ANKRD36: variants seen among roughly 807,000 people sequenced by gnomAD.
The protein encoded by ANKRD36 is ankyrin repeat domain 36, also known as ankyrin repeat domain-containing protein 36A.
ANKRD36 carries 179 observed loss-of-function variants against 278.1 expected under a neutral mutation model. The observed-to-expected ratio is 0.64, with a 90% confidence interval of 0.57 to 0.73. ANKRD36 has a LOEUF of 0.73. Among genes scored for constraint, ANKRD36 ranks in the 30% least tolerant of loss-of-function variants. The probability of loss-of-function intolerance (pLI) is 0.00; values close to 1 mark genes in which losing one functional copy is unlikely to be tolerated. For missense variants in ANKRD36, 1,159 were observed against 1,956.7 expected (o/e 0.59, Z 7.69); for synonymous variants, 320 against 641.1 (o/e 0.50, Z 7.57).
chr2:97,154,826 A>G, intron 15 of ANKRD36, 85 bp downstream of exon 15: 4 of 1,137,394 alleles, frequency 3.5e-6, no homozygotes, highest in Non-Finnish European at 4.9e-6. Context: ...ATAGGTAGCA[A>G]TTGTCTACCT....
intron 66 of ANKRD36, among the ~76,000 whole-genome samples, chr2:97,219,538 A>G (rs2066846325): frequency 2.0e-5 from 3 of 150,254 alleles, no homozygotes; most frequent in African/African-American, 7.3e-5. Context: ...GTGGAGTGCA[A>G]TGGCTCAATT....
intron 10 of ANKRD36, among the ~76,000 whole-genome samples, chr2:97,145,449 A>C (rs1431254623): frequency 6.6e-6 from 1 of 152,060 alleles, no homozygotes; most frequent in Non-Finnish European, 1.5e-5. Context: ...ATATGCATAC[A>C]TTGGCTTTGT....
In ANKRD36 at chr2:97,113,395, C is replaced by G. The variant is rs528028494; in HGVS notation, c.-345C>G. 319 of 329,750 alleles carry G rather than the reference C, an allele frequency of 9.7e-4. 11 individuals carry two copies. In the South Asian group the frequency reaches 0.01, roughly 11 times the overall value. The allele number at this position is 329,750 out of a possible 1,614,324, so 20.4% of individuals were successfully genotyped here. A position where few individuals can be genotyped will look rare whatever the true frequency, so the allele number is the denominator to read the frequency against. ...GTCGGGAGCCTGTGGAAGAGAAGAG[C>G]GCGCGGGCGACAGTTAAACAGGCCC... On this transcript the variant is annotated 5_prime_UTR_variant, in exon 1 of 76. Coordinates refer to ENST00000420699, the MANE Select transcript of ANKRD36 (RefSeq NM_001354587.1).
chr2:97,125,203 C>G (rs2038232041), intron 5 of ANKRD36, among the ~76,000 whole-genome samples: 1 of 151,670 alleles, frequency 6.6e-6, no homozygotes, highest in African/African-American at 2.4e-5. Context: ...TTGCTACCAG[C>G]ATGCCCTTTC....
chr2:97,187,706 C>T (rs1429921395), intron 32 of ANKRD36, among the ~76,000 whole-genome samples: 1 of 151,694 alleles, frequency 6.6e-6, no homozygotes, highest in Non-Finnish European at 1.5e-5. Flanking sequence ...AATTCTACAG[C>T]ATGGTTTCAC....
chr2:97,145,182 T>G (rs369614993), intron 10 of ANKRD36, among the ~76,000 whole-genome samples: 1 of 151,906 alleles, frequency 6.6e-6, no homozygotes, highest in East Asian at 1.9e-4. Context: ...GGATTGTGAG[T>G]CAGGAAGAAG....
chr2:97,211,338 A>C (rs1330002559), intron 56 of ANKRD36, among the ~76,000 whole-genome samples: 1 of 151,914 alleles, frequency 6.6e-6, no homozygotes, highest in East Asian at 2.0e-4. Context: ...AGCATCTTTG[A>C]AATTGTAAGG....
At chr2:97,165,492 C>G (rs1452324517) in intron 20 of ANKRD36, among the ~76,000 whole-genome samples, 3 of 151,972 alleles carry the variant, frequency 2.0e-5, no homozygotes, top group Admixed American at 2.0e-4. Flanking sequence ...TTTCAGATAC[C>G]CCGAGTATAG....
chr2:97,183,575 C>G lies in ANKRD36; in HGVS notation c.1867-7C>G. ...ATATTGACTATTTTGTTTCTCTTTC[C>G]ATTCAGGTTATATTTAAAAAGAAAG... On this transcript the variant is annotated splice_region_variant and splice_polypyrimidine_tract_variant and intron_variant, in intron 27 of 75. Coordinates refer to ENST00000420699, the MANE Select transcript of ANKRD36 (RefSeq NM_001354587.1). The G allele has an allele frequency of 6.4e-7, 1 of 1,554,364 alleles. No homozygotes were observed. Among genetic ancestry groups the G allele is most frequent in the Non-Finnish European group, 8.7e-7 (1 of 1,149,762 alleles).
At chr2:97,190,591 G>A (rs1209125486) in intron 34 of ANKRD36, among the ~76,000 whole-genome samples, 1 of 151,696 alleles carries the variant, frequency 6.6e-6, no homozygotes, top group South Asian at 2.1e-4. Flanking sequence ...AAATCCTTTT[G>A]ATTTCCTGCA....
intron 34 of ANKRD36, among the ~76,000 whole-genome samples, chr2:97,190,111 A>T (rs1242423525): frequency 3.4e-5 from 3 of 89,010 alleles, no homozygotes; most frequent in Admixed American, 1.0e-4. Flanking sequence ...GAACAACATG[A>T]TACTCCCAAG....
chr2:97,151,991 T>G (rs1574988501), intron 13 of ANKRD36, 52 bp downstream of exon 13: 3 of 1,245,582 alleles, frequency 2.4e-6, no homozygotes, highest in Non-Finnish European at 3.2e-6. Flanking sequence ...CTTCATTTGT[T>G]TTTTTTTTTT....
intron 75 of ANKRD36, among the ~76,000 whole-genome samples, chr2:97,260,937 G>C (rs1469869313): frequency 7.9e-6 from 1 of 127,006 alleles, no homozygotes; most frequent in Non-Finnish European, 1.5e-5. Flanking sequence ...GTCTTCTGCA[G>C]CCTCCTCACC....
At position 97,224,756 on chromosome 2, in the gene ANKRD36, A is replaced by G. The variant is rs1391541468; in HGVS notation, c.3878-50A>G. On this transcript the variant is annotated intron_variant, in intron 66 of 75. Coordinates refer to ENST00000420699, the MANE Select transcript of ANKRD36 (RefSeq NM_001354587.1). ...TGAGCCACCGCTGACCATGGCTTTT[A>G]TCTAACTGTTCTGTGTAGCTCATTT... 3.5e-6 allele frequency: 3 copies of G among 854,380 alleles called. No individual in the cohort carries two copies. The African/African-American group carries it at 6.0e-5, about 17-fold the overall frequency. 52.9% of individuals were successfully genotyped at this position (854,380 alleles called of 1,614,324 possible). A position where few individuals can be genotyped will look rare whatever the true frequency, so the allele number is the denominator to read the frequency against.
At chr2:97,191,544 A>G (rs1449697005) in intron 36 of ANKRD36, among the ~76,000 whole-genome samples, 1 of 151,710 alleles carries the variant, frequency 6.6e-6, no homozygotes, top group Admixed American at 6.6e-5. Flanking sequence ...GTACTGCTAA[A>G]AACAGACAGA....
chr2:97,214,536 G>C (rs2065441048), intron 60 of ANKRD36, among the ~76,000 whole-genome samples: 1 of 148,726 alleles, frequency 6.7e-6, no homozygotes, highest in South Asian at 2.2e-4. Context: ...ATTTCCAAGT[G>C]TAAAAGCTTA....
At chr2:97,137,953 C>A (rs540818164) in intron 6 of ANKRD36, among the ~76,000 whole-genome samples, 16 of 151,864 alleles carry the variant, frequency 1.1e-4, no homozygotes, top group African/African-American at 3.9e-4. Context: ...TTGATGAGAT[C>A]GTTTGTTTTC....
chr2:97,211,067 A>G (rs1357683935), intron 56 of ANKRD36, among the ~76,000 whole-genome samples: 9 of 151,888 alleles, frequency 5.9e-5, no homozygotes, highest in African/African-American at 2.2e-4. Context: ...TGTACGTTCC[A>G]CTGAAATGTC....
chr2:97,201,710 A>G (rs1397187432), intron 46 of ANKRD36, among the ~76,000 whole-genome samples: 43 of 152,042 alleles, frequency 2.8e-4, no homozygotes, highest in South Asian at 2.1e-4. Flanking sequence ...AGAGATGTGA[A>G]GTATAAGTTC....
Sources: gnomAD v4.1 joint callset for allele counts (sites outside exome capture counted in the v4.1 genomes callset) on GRCh38, gnomAD v4.1.1 for gene constraint, MANE v1.5 for transcripts, NCBI Gene and HGNC (gene_info 2026-07-23, HGNC 2026-07-21) for gene names.